VPS28: variants seen among roughly 807,000 people sequenced by gnomAD.
The protein encoded by VPS28 is VPS28 subunit of ESCRT-I, also known as vacuolar protein sorting-associated protein 28 homolog.
In VPS28, 29 loss-of-function variants were observed where a neutral mutation model predicts 33.7. The observed-to-expected ratio is 0.86, with a 90% CI of 0.64 to 1.17. The LOEUF (loss-of-function observed/expected upper bound fraction) is 1.17. Among genes scored for constraint, VPS28 ranks in the 50% most tolerant of loss-of-function variants. VPS28 has a pLI of 0.00. For synonymous variants in VPS28, 164 were observed against 116.7 expected, an observed-to-expected ratio of 1.40 and a Z score of -2.61; for missense variants, 247 against 312.2, an observed-to-expected ratio of 0.79 and a Z score of 1.57.
chr8:144,424,977 C>T lies in VPS28; in HGVS notation c.269G>A (p.Ser90Asn). Residue 90 changes from serine to asparagine, a missense_variant, in exon 6 of 10, where the codon AGC becomes AAC. Coordinates refer to ENST00000292510, the MANE Select transcript of VPS28 (RefSeq NM_016208.4). ...CTTGCGGCAGAATTCGTCAATAGAG[C>T]TGATTTCTGAGCCCTGGACCTGCCT... is the stretch of plus-strand genomic sequence containing the variant. ...AFRQVQGSEI[S>N]SIDEFCRKFR... 2 of 1,563,090 alleles carry T rather than the reference C, an allele frequency of 1.3e-6. No individual in the cohort carries two copies. The highest frequency in any genetic ancestry group is 1.7e-6 in the Non-Finnish European group (2 of 1,152,774).
chr8:144,425,179 AAGG>A lies in VPS28; in HGVS notation c.195-131_195-129del, dbSNP rs549341874. 396 of 783,410 alleles carry A rather than the reference AAGG, an allele frequency of 5.1e-4. 1 individual carries two copies. In the African/African-American group the frequency reaches 5.9e-3, roughly 12 times the overall value. The allele number at this position is 783,410 out of a possible 1,614,324, so 48.5% of individuals were successfully genotyped here. A position where few individuals can be genotyped will look rare whatever the true frequency, so the allele number is the denominator to read the frequency against. On this transcript the variant is annotated intron_variant, in intron 5 of 9. Coordinates refer to ENST00000292510, the MANE Select transcript of VPS28 (RefSeq NM_016208.4). Reference sequence around the variant, plus strand: ...GGCGACAGGCAAAGGCAGGCCGAGCAAGGAGGAGGGGCTGCTAGTAGCTTTTGG... The same window carrying A: ...GGCGACAGGCAAAGGCAGGCCGAGCAAGGAGGGGCTGCTAGTAGCTTTTGG...
chr8:144,426,581 C>T (rs1289816174), intron 2 of VPS28: 22 of 449,586 alleles, frequency 4.9e-5, no homozygotes, highest in East Asian at 4.7e-4. Flanking sequence ...ACAGTGGCCA[C>T]GCCCTGCTCG....
chr8:144,425,713 G>C lies in VPS28; in HGVS notation c.164C>G (p.Ala55Gly). The C allele has an allele frequency of 1.2e-6, 2 of 1,613,902 alleles. No homozygotes were observed. The highest frequency in any genetic ancestry group is 1.7e-6 in the Non-Finnish European group (2 of 1,179,932). ...VVKTMQALEK[A>G]YIKDCVSPSE... ...GGGGGAGACACAGTCCTTGATGTAGGCCTTCTCCAGGGCTTGCATTGTCTT... is the reference window on the plus strand; with the variant it reads ...GGGGGAGACACAGTCCTTGATGTAGCCCTTCTCCAGGGCTTGCATTGTCTT... Residue 55 changes from alanine to glycine, a missense_variant, in exon 5 of 10, where the codon GCC becomes GGC. By Grantham distance (60) the Ala-to-Gly change is moderately conservative. Transcript: ENST00000292510.
In VPS28 at chr8:144,424,211, G is replaced by A. The variant is rs377244690; in HGVS notation, c.456+4C>T. 12 of 1,598,000 alleles carry A rather than the reference G, an allele frequency of 7.5e-6. 1 individual carries two copies. The highest frequency in any genetic ancestry group is 2.2e-5 in the South Asian group (2 of 89,132). ...TAGGCCCCCTGCCAGCCCAATACCC[G>A]CACCTCATCCATGGCGCGGATCTCC... On this transcript the variant is annotated splice_donor_region_variant and intron_variant, in intron 8 of 9. Coordinates refer to ENST00000292510, the MANE Select transcript of VPS28 (RefSeq NM_016208.4).
At chr8:144,425,356 G>A in intron 5 of VPS28, 1 of 565,870 alleles carries the variant, frequency 1.8e-6, no homozygotes, top group Middle Eastern at 4.7e-4. Flanking sequence ...GCGGTGGCCT[G>A]TGACGGTCTT....
At chr8:144,424,915 C>A (rs1554876294) in intron 6 of VPS28, 31 bp downstream of exon 6, 1 of 1,605,364 alleles carries the variant, frequency 6.2e-7, no homozygotes, top group East Asian at 2.2e-5. Flanking sequence ...GACAGTCTCG[C>A]CCCATGGGGG....
At chr8:144,424,589 A>T in intron 7 of VPS28, 129 bp downstream of exon 7, 7 of 1,063,558 alleles carry the variant, frequency 6.6e-6, no homozygotes. Context: ...TCCTAGTTAA[A>T]GGGGTTCCCT....
In VPS28 at chr8:144,425,712, G is replaced by C; in HGVS notation, c.165C>G (p.Ala55=). The part of the protein sequence containing the change: ...VVKTMQALEK[A]YIKDCVSPSE... ...TGGGGGAGACACAGTCCTTGATGTA[G>C]GCCTTCTCCAGGGCTTGCATTGTCT... Residue 55 remains alanine, a synonymous_variant, in exon 5 of 10, where the codon GCC becomes GCG. Coordinates refer to ENST00000292510, the MANE Select transcript of VPS28 (RefSeq NM_016208.4). 6.2e-7 allele frequency: 1 copy of C among 1,613,920 alleles called. No individual in the cohort carries two copies. Among genetic ancestry groups the C allele is most frequent in the Non-Finnish European group, 8.5e-7 (1 of 1,179,928 alleles).
Position 144,424,045 on chromosome 8 carries a change from G to A in VPS28, c.544C>T (p.Gln182Ter). 1 of 1,583,276 alleles carries A rather than the reference G, an allele frequency of 6.3e-7. No individual in the cohort carries two copies. Among genetic ancestry groups the A allele is most frequent in the Non-Finnish European group, 8.6e-7 (1 of 1,161,152 alleles). ...PDFEGRQTVS[Q>*]WLQTLSGMSA... The stretch of plus-strand genomic sequence containing the variant: ...CTGGCTGGGAGGGACACCCACCACT[G>A]GCTGACCGTCTGGCGGCCCTCAAAG... Residue 182 changes from glutamine (Q) to a stop codon, truncating the protein, a stop_gained, in exon 9 of 10, where the codon CAG becomes TAG. Coordinates refer to ENST00000292510, the MANE Select transcript of VPS28 (RefSeq NM_016208.4). LOFTEE classifies it high-confidence loss of function.
intron 1 of VPS28, chr8:144,427,226 G>A (rs1158667575): frequency 3.3e-6 from 1 of 299,486 alleles, no homozygotes; most frequent in South Asian, 3.3e-5. Context: ...TTGAACCCAG[G>A]AGGTGAAGGT....
Position 144,425,727 on chromosome 8 carries a change from T to C in VPS28, c.150A>G (p.Gln50=). 6.2e-7 allele frequency: 1 copy of C among 1,613,902 alleles called. No homozygotes were observed. The highest frequency in any genetic ancestry group is 8.5e-7 in the Non-Finnish European group (1 of 1,179,918). The change falls in exon 5 of 10, where the codon CAA becomes CAG. Residue 50 remains glutamine (Q), a synonymous_variant. Coordinates refer to ENST00000292510, the MANE Select transcript of VPS28 (RefSeq NM_016208.4). ...CCTTGATGTAGGCCTTCTCCAGGGC[T>C]TGCATTGTCTTCACCACCGCAAACA... ...AELFAVVKTM[Q]ALEKAYIKDC...
chr8:144,425,120 G>A, intron 5 of VPS28, 69 bp from the exon 6 acceptor site: 1 of 1,424,878 alleles, frequency 7.0e-7, no homozygotes, highest in Non-Finnish European at 9.7e-7. Flanking sequence ...CCCCTCGGCT[G>A]GTCCAGAGGC....
intron 5 of VPS28, 56 bp from the exon 6 acceptor site, chr8:144,425,107 T>A (rs892310935): frequency 1.3e-6 from 2 of 1,481,574 alleles, no homozygotes; most frequent in Non-Finnish European, 1.8e-6. Context: ...CAGCTCATCC[T>A]ACCCCCTCGG....
intron 3 of VPS28, 34 bp from the exon 4 acceptor site, chr8:144,426,097 C>T (rs1554876665): frequency 6.4e-7 from 1 of 1,560,662 alleles, no homozygotes; most frequent in Middle Eastern, 1.7e-4. Context: ...GGGCCAGTGC[C>T]AACAGGGGCT....
At position 144,425,219 on chromosome 8, in the gene VPS28, TGAGCAC is replaced by T. The variant is rs1554876417; in HGVS notation, c.195-174_195-169del. On this transcript the variant is annotated intron_variant, in intron 5 of 9. Coordinates refer to ENST00000292510, the MANE Select transcript of VPS28 (RefSeq NM_016208.4). ...CTAGTAGCTTTTGGGGGTGAGGCCC[TGAGCAC>T]GTAGTGGGGCTTGTAGCTCGGCTCC... is the stretch of plus-strand genomic sequence containing the variant. 6.3e-6 allele frequency: 4 copies of T among 635,482 alleles called. No homozygotes were observed. The African/African-American group carries it at 7.3e-5, about 12-fold the overall frequency. 39.4% of individuals were successfully genotyped at this position (635,482 alleles called of 1,614,324 possible).
At chr8:144,424,292 G>A (rs1822567339) in intron 7 of VPS28, 24 bp from the exon 8 acceptor site, 9 of 1,574,252 alleles carry the variant, frequency 5.7e-6, no homozygotes, top group Non-Finnish European at 7.8e-6. Context: ...TGCACATGAG[G>A]CTCGCGTGTC....
intron 4 of VPS28, 112 bp downstream of exon 4, chr8:144,425,913 CA>C: frequency 6.7e-7 from 1 of 1,491,078 alleles, no homozygotes; most frequent in Non-Finnish European, 9.0e-7. Context: ...AACAGTTCCC[CA>C]GACTGACCCT....
chr8:144,427,840 T>C (rs1337674822), intron 1 of VPS28, among the ~76,000 whole-genome samples: 1 of 152,012 alleles, frequency 6.6e-6, no homozygotes, highest in Non-Finnish European at 1.5e-5. Context: ...AGGATTAAAA[T>C]AAAGGAGTTA....
chr8:144,426,805 G>GAGC, intron 2 of VPS28, 104 bp downstream of exon 2: 1 of 1,332,266 alleles, frequency 7.5e-7, no homozygotes, highest in East Asian at 2.5e-5. Context: ...GGCTGTACGA[G>GAGC]AGCAGGGTCA....
Sources: allele counts gnomAD v4.1 joint callset (sites outside exome capture counted in the v4.1 genomes callset), GRCh38; gene constraint gnomAD v4.1.1; transcripts MANE v1.5; gene names NCBI Gene and HGNC (gene_info 2026-07-23, HGNC 2026-07-21).